Variants in ASB15 observed in about 807,000 individuals in gnomAD.
ASB15 encodes the protein ankyrin repeat and SOCS box protein 15.
A neutral mutation model predicts 58.0 loss-of-function variants in ASB15; 54 were observed. The ratio of observed to expected loss-of-function variants is 0.93; its 90% CI spans 0.75 to 1.17. The LOEUF is 1.17. ASB15 is among the 50% of genes most tolerant of loss of function. The probability of loss-of-function intolerance (pLI) is 0.00; values close to 1 mark genes in which losing one functional copy is unlikely to be tolerated. For missense variants in ASB15, 680 were observed against 707.4 expected (o/e 0.96, Z 0.44); for synonymous variants, 249 against 262.4 (o/e 0.95, Z 0.50).
At chr7:123,580,369 G>A (rs1360447547) in intron 1 of ASB15, among the ~76,000 whole-genome samples, 2 of 151,980 alleles carry the variant, frequency 1.3e-5, no homozygotes, top group Non-Finnish European at 2.9e-5. Flanking sequence ...AGTGAGTGAA[G>A]CAGTCATCAC....
intron 8 of ASB15, 76 bp from the exon 9 acceptor site, chr7:123,627,034 C>T (rs921320176): frequency 6.8e-7 from 1 of 1,469,300 alleles, no homozygotes; most frequent in Admixed American, 1.8e-5. Context: ...TGCCCAGCCC[C>T]ACAACAGGCT....
At chr7:123,597,557 C>T (rs1398303683), upstream of ASB15, among the ~76,000 whole-genome samples, 1 of 152,178 alleles carries the variant, frequency 6.6e-6, no homozygotes, top group Non-Finnish European at 1.5e-5. Context: ...CCTGGCCAGA[C>T]GTGGTGGCTC....
chr7:123,611,369 A>G (rs2116480108), intron 3 of ASB15, among the ~76,000 whole-genome samples: 1 of 152,034 alleles, frequency 6.6e-6, no homozygotes, highest in East Asian at 1.9e-4. Context: ...ATCTCGGCTC[A>G]CTGCAAGCTC....
At chr7:123,628,576 T>C (rs944288607) in intron 9 of ASB15, among the ~76,000 whole-genome samples, 19 of 152,170 alleles carry the variant, frequency 1.2e-4, no homozygotes, top group African/African-American at 4.1e-4. Context: ...CAGAGGAGAA[T>C]TGGAAGATGG....
Position 123,629,026 on chromosome 7 carries a change from G to A in ASB15, c.1032G>A (p.Gln344=). Residue 344 remains glutamine (Q), a synonymous_variant, in exon 10 of 12, where the codon CAG becomes CAA. Coordinates refer to ENST00000451215, the MANE Select transcript of ASB15 (RefSeq NM_001290258.2). ...VNTLLADHIS[Q]SYDDERKTAL... ...CTCTACTTGCTGACCACATTTCCCA[G>A]AGCTATGACGATGAGAGGAAGACTG... The A allele has an allele frequency of 6.2e-7, 1 of 1,613,802 alleles. No homozygotes were observed. Among genetic ancestry groups the A allele is most frequent in the South Asian group, 1.1e-5 (1 of 90,992 alleles).
intron 1 of ASB15, among the ~76,000 whole-genome samples, chr7:123,576,779 T>C (rs1799077774): frequency 1.3e-5 from 2 of 152,324 alleles, no homozygotes; most frequent in South Asian, 4.1e-4. Context: ...TTTTGTGGCA[T>C]GTCTAAGATC....
intron 1 of ASB15, among the ~76,000 whole-genome samples, chr7:123,591,811 C>G (rs1316978843): frequency 6.6e-6 from 1 of 152,180 alleles, no homozygotes; most frequent in East Asian, 1.9e-4. Flanking sequence ...ATGCTGACCT[C>G]ATAAAATGAG....
At chr7:123,602,936 C>T (rs1799957319) in intron 1 of ASB15, among the ~76,000 whole-genome samples, 1 of 152,070 alleles carries the variant, frequency 6.6e-6, no homozygotes, top group Non-Finnish European at 1.5e-5. Context: ...GGTAAGTTAC[C>T]TAATGACTCT....
At chr7:123,633,371 T>C (rs989743109) in intron 11 of ASB15, among the ~76,000 whole-genome samples, 7 of 152,068 alleles carry the variant, frequency 4.6e-5, no homozygotes, top group Middle Eastern at 3.2e-3. Flanking sequence ...GATATAATAT[T>C]AATATTGTTA....
intron 7 of ASB15, chr7:123,623,212 A>C (rs1270921217): frequency 6.6e-6 from 1 of 152,230 alleles, no homozygotes; most frequent in African/African-American, 2.4e-5. Context: ...AGCCGTATTA[A>C]CTGAATAGGA....
At chr7:123,611,448 C>T (rs1024941745) in intron 3 of ASB15, among the ~76,000 whole-genome samples, 13 of 149,038 alleles carry the variant, frequency 8.7e-5, no homozygotes, top group Admixed American at 3.3e-4. Context: ...GCGCCCGCCA[C>T]CGTACCTAAT....
rs373403288 is a variant in ASB15, at chr7:123,624,830, T to A, written c.697+16T>A. The A allele has an allele frequency of 2.5e-6, 4 of 1,608,586 alleles. No homozygotes were observed. The African/African-American group carries it at 5.3e-5, about 22-fold the overall frequency. On this transcript the variant is annotated intron_variant, in intron 8 of 11. Coordinates refer to ENST00000451215, the MANE Select transcript of ASB15 (RefSeq NM_001290258.2). ...ATCCACAAAGGTATGTGAAAAGGAG[T>A]TACACTTCCTGACTTTTGTCCTGCC...
intron 11 of ASB15, among the ~76,000 whole-genome samples, chr7:123,633,932 A>G (rs905467464): frequency 2.0e-5 from 3 of 152,220 alleles, no homozygotes; most frequent in East Asian, 3.9e-4. Flanking sequence ...AGAGGCTCCA[A>G]CTGGCCAAAG....
intron 1 of ASB15, among the ~76,000 whole-genome samples, chr7:123,594,670 G>T (rs957749744): frequency 5.3e-5 from 8 of 152,138 alleles, no homozygotes; most frequent in African/African-American, 1.9e-4. Context: ...GTCCCAGAGG[G>T]TCACCTGCCT....
chr7:123,634,118 G>A (rs911772515), intron 11 of ASB15, among the ~76,000 whole-genome samples: 1 of 152,000 alleles, frequency 6.6e-6, no homozygotes, highest in African/African-American at 2.4e-5. Context: ...TTATCATGGT[G>A]GTTTGCTGCA....
At chr7:123,578,244 T>A (rs1296928450) in intron 1 of ASB15, among the ~76,000 whole-genome samples, 2 of 151,110 alleles carry the variant, frequency 1.3e-5, no homozygotes, top group Non-Finnish European at 2.9e-5. Context: ...TGATATTTTG[T>A]ATCAGTTGGA....
At position 123,616,453 on chromosome 7, in the gene ASB15, G is replaced by C. The variant is rs1367446858; in HGVS notation, c.250G>C (p.Val84Leu). ...EKGWFPLHEA[V>L]VQPIQQILEI... ...AGGATGGTTTCCATTGCATGAAGCT[G>C]TTGTTCAACCCATTCAACAAATACT... Residue 84 changes from valine to leucine, a missense_variant, in exon 6 of 12, where the codon GTT (valine) becomes CTT (leucine). Physicochemically the swap from Val to Leu is conservative, Grantham distance 32. Coordinates refer to ENST00000451215, the MANE Select transcript of ASB15 (RefSeq NM_001290258.2). 3 of 1,612,454 alleles carry C rather than the reference G, an allele frequency of 1.9e-6. No homozygotes were observed. The highest frequency in any genetic ancestry group is 2.5e-6 in the Non-Finnish European group (3 of 1,178,806).
chr7:123,586,899 ATG>A (rs1201794949), intron 1 of ASB15, among the ~76,000 whole-genome samples: 6 of 151,406 alleles, frequency 4.0e-5, no homozygotes, highest in African/African-American at 1.5e-4. Context: ...CTCTCTTTTG[ATG>A]TGTCTGTTTT....
chr7:123,574,119 TC>T (rs1386541630), intron 1 of ASB15, among the ~76,000 whole-genome samples: 1 of 152,134 alleles, frequency 6.6e-6, no homozygotes, highest in Non-Finnish European at 1.5e-5. Context: ...AGTGCCACAT[TC>T]TTTGCCAAAA....
Sources: allele counts gnomAD v4.1 joint callset (sites outside exome capture counted in the v4.1 genomes callset), GRCh38; gene constraint gnomAD v4.1.1; transcripts MANE v1.5; gene names NCBI Gene and HGNC (gene_info 2026-07-23, HGNC 2026-07-21).